The following EXD3 variants were observed in gnomAD, a reference collection of about 807,000 sequenced individuals.
EXD3 encodes exonuclease 3'-5' domain containing 3.
In EXD3, 92 loss-of-function variants were observed where a neutral mutation model predicts 98.0. The ratio of observed to expected loss-of-function variants is 0.94; its 90% CI spans 0.79 to 1.12. The LOEUF (loss-of-function observed/expected upper bound fraction) is 1.12. Ranked by LOEUF, EXD3 falls within the 50% of genes most tolerant of loss-of-function variation. The probability of loss-of-function intolerance (pLI) is 0.00; values close to 1 mark genes in which losing one functional copy is unlikely to be tolerated. For missense variants in EXD3, 1,222 were observed against 1,191.6 expected (o/e 1.03, Z -0.38); for synonymous variants, 569 against 526.0 (o/e 1.08, Z -1.12).
intron 17 of EXD3, among the ~76,000 whole-genome samples, chr9:137,340,125 A>C (rs1400261584): frequency 6.6e-6 from 1 of 152,230 alleles, no homozygotes; most frequent in East Asian, 1.9e-4. Flanking sequence ...CAAAAATCTA[A>C]AGTTCCTGGG....
chr9:137,335,397 A>C (rs1588286645), intron 17 of EXD3, among the ~76,000 whole-genome samples: 1 of 152,064 alleles, frequency 6.6e-6, no homozygotes, highest in African/African-American at 2.4e-5. Context: ...AAATGTAAAA[A>C]AGACCAGGCG....
intron 2 of EXD3, chr9:137,392,701 C>CT: frequency 5.8e-6 from 2 of 343,700 alleles, no homozygotes; most frequent in East Asian, 1.5e-4. Flanking sequence ...TGTGTCTGTT[C>CT]TGGGGGGGCT....
At chr9:137,310,949 C>T (rs992810927) in intron 19 of EXD3, among the ~76,000 whole-genome samples, 2 of 152,242 alleles carry the variant, frequency 1.3e-5, no homozygotes, top group African/African-American at 4.8e-5. Flanking sequence ...CCCCAGATGA[C>T]ATGGCTGCCG....
At chr9:137,378,614 C>G (rs1170208973) in intron 3 of EXD3, among the ~76,000 whole-genome samples, 1 of 152,244 alleles carries the variant, frequency 6.6e-6, no homozygotes, top group Non-Finnish European at 1.5e-5. Context: ...GCAGATGACC[C>G]TCAGCTGTCT....
chr9:137,344,278 T>A (rs992639824), intron 17 of EXD3, among the ~76,000 whole-genome samples: 4 of 152,124 alleles, frequency 2.6e-5, no homozygotes, highest in Admixed American at 1.3e-4. Flanking sequence ...CCAGAACCAG[T>A]GCAGACAACT....
At chr9:137,387,130 C>T (rs557826837) in intron 2 of EXD3, among the ~76,000 whole-genome samples, 3 of 151,938 alleles carry the variant, frequency 2.0e-5, no homozygotes, top group East Asian at 3.9e-4. Context: ...CCTCCCTCAG[C>T]GCCTCTGTTC....
chr9:137,355,624 AGGATGGAG>A, intron 8 of EXD3, among the ~76,000 whole-genome samples: 1 of 10,294 alleles, frequency 9.7e-5, no homozygotes, highest in African/African-American at 8.2e-4. Context: ...GGAGGAAGGG[AGGATGGAG>A]GAAGGAGGAA....
At chr9:137,386,807 T>C (rs1363335804) in intron 2 of EXD3, among the ~76,000 whole-genome samples, 2 of 137,196 alleles carry the variant, frequency 1.5e-5, no homozygotes, top group Admixed American at 1.4e-4. Flanking sequence ...GCTCCCTGCC[T>C]GGCCCCCTCA....
At chr9:137,309,541 G>A in intron 20 of EXD3, 66 bp downstream of exon 20, 1 of 1,353,992 alleles carries the variant, frequency 7.4e-7, no homozygotes, top group Non-Finnish European at 1.0e-6. Context: ...CCCTCTCCCT[G>A]GCTACCTCAG....
chr9:137,329,165 GGCT>G (rs1832760986), intron 17 of EXD3, among the ~76,000 whole-genome samples: 1 of 16,774 alleles, frequency 6.0e-5, no homozygotes, highest in Non-Finnish European at 9.3e-5. Flanking sequence ...GGCTACACGG[GGCT>G]ACACGGGAGC....
chr9:137,314,238 G>A (rs1831516996), intron 19 of EXD3, among the ~76,000 whole-genome samples: 2 of 152,198 alleles, frequency 1.3e-5, no homozygotes, highest in African/African-American at 4.8e-5. Context: ...TGTCCCCAGA[G>A]TGCCTTGCAG....
At chr9:137,377,991 C>T (rs1387627891) in intron 3 of EXD3, among the ~76,000 whole-genome samples, 6 of 151,024 alleles carry the variant, frequency 4.0e-5, no homozygotes, top group Non-Finnish European at 7.4e-5. Flanking sequence ...GATAGGGTTT[C>T]GCTATGTTGG....
chr9:137,348,255 G>T lies in EXD3; in HGVS notation c.1831-17C>A. The T allele has an allele frequency of 1.9e-6, 3 of 1,607,918 alleles. No individual in the cohort carries two copies. The highest frequency in any genetic ancestry group is 2.5e-6 in the Non-Finnish European group (3 of 1,177,996). On this transcript the variant is annotated splice_polypyrimidine_tract_variant and intron_variant, in intron 16 of 21. Transcript: ENST00000340951. ...CACAGGGACCTGCAGTGAGGCCCTG[G>T]TCAGCAGTCCCACGGTCACCCCCCA...
chr9:137,417,323 C>G (rs80166959), intron 1 of EXD3, among the ~76,000 whole-genome samples: 9,273 of 152,290 alleles, frequency 0.061, 397 homozygotes, highest in Non-Finnish European at 0.097. Context: ...CACAGCACAC[C>G]CCGGCAGCGC....
intron 8 of EXD3, among the ~76,000 whole-genome samples, 195 bp from the exon 9 acceptor site, chr9:137,354,968 G>A (rs989212273): frequency 3.3e-5 from 5 of 152,190 alleles, no homozygotes; most frequent in East Asian, 1.9e-4. Context: ...GGGTCCCGCC[G>A]GCCCCGGGGT....
chr9:137,321,689 A>C (rs1832039417), intron 19 of EXD3, among the ~76,000 whole-genome samples: 1 of 152,110 alleles, frequency 6.6e-6, no homozygotes, highest in Non-Finnish European at 1.5e-5. Context: ...TCCCACCCCC[A>C]AAAAACCCCA....
chr9:137,332,212 T>G (rs765843786), intron 17 of EXD3, among the ~76,000 whole-genome samples: 6 of 151,970 alleles, frequency 3.9e-5, no homozygotes, highest in Non-Finnish European at 5.9e-5. Flanking sequence ...ACCAACATCG[T>G]TTTTCACAGC....
chr9:137,349,649 G>A lies in EXD3; in HGVS notation c.1495-118C>T, dbSNP rs566492036. 71 of 1,089,158 alleles carry A rather than the reference G, an allele frequency of 6.5e-5. No individual in the cohort carries two copies. The East Asian group carries it at 1.5e-3, about 24-fold the overall frequency. 67.5% of individuals were successfully genotyped at this position (1,089,158 alleles called of 1,614,324 possible). A position where few individuals can be genotyped will look rare whatever the true frequency, so the allele number is the denominator to read the frequency against. On this transcript the variant is annotated intron_variant, in intron 14 of 21. Transcript: ENST00000340951. The surrounding 1 kb of genome is among the most constrained non-coding windows in gnomAD (Gnocchi z 7.4). ...AGGAGGCCCCGCCCCCTCCACCAGCGGCCCCCACAGCAGAGACGGGGAGAA... is the reference window on the plus strand; with the variant it reads ...AGGAGGCCCCGCCCCCTCCACCAGCAGCCCCCACAGCAGAGACGGGGAGAA...
intron 17 of EXD3, among the ~76,000 whole-genome samples, chr9:137,329,616 A>G (rs1176573164): frequency 1.4e-4 from 2 of 14,016 alleles, no homozygotes; most frequent in African/African-American, 3.9e-4. Context: ...GTCACACGGG[A>G]CTACACGGGA....
Sources: allele counts gnomAD v4.1 joint callset (sites outside exome capture counted in the v4.1 genomes callset), GRCh38; gene constraint gnomAD v4.1.1; non-coding constraint Gnocchi (gnomAD v3.1); transcripts MANE v1.5; gene names NCBI Gene and HGNC (gene_info 2026-07-23, HGNC 2026-07-21).